ITFG2: variants seen among roughly 807,000 people sequenced by gnomAD.
The protein encoded by ITFG2 is integrin alpha FG-GAP repeat containing 2, also known as KICSTOR complex protein ITFG2.
In ITFG2, 36 loss-of-function variants were observed where a neutral mutation model predicts 54.4. The observed-to-expected ratio is 0.66, with a 90% CI of 0.51 to 0.87. The LOEUF (loss-of-function observed/expected upper bound fraction) is 0.87. ITFG2 is among the 40% of genes least tolerant of loss of function. ITFG2 has a pLI of 0.00. For synonymous variants in ITFG2, 211 were observed against 225.4 expected (o/e 0.94, Z 0.57); for missense variants, 524 against 576.7 (o/e 0.91, Z 0.94).
chr12:2,821,173 A>G, intron 6 of ITFG2, 89 bp from the exon 7 acceptor site: 1 of 1,049,232 alleles, frequency 9.5e-7, no homozygotes, highest in East Asian at 2.6e-5. Flanking sequence ...TTCAAATCCC[A>G]GAAGCTCTTG....
chr12:2,821,539 A>C lies in ITFG2; in HGVS notation c.794-4A>C, dbSNP rs1336430014. ...TTTACATATTCTTCCTCTGGTCCTC[A>C]CAGGCCACGGCACTGAGAGTAGTGG... On this transcript the variant is annotated splice_region_variant and splice_polypyrimidine_tract_variant and intron_variant, in intron 7 of 11. Coordinates refer to ENST00000228799, the MANE Select transcript of ITFG2 (RefSeq NM_018463.4). 16 of 1,613,844 alleles carry C rather than the reference A, an allele frequency of 9.9e-6. No homozygotes were observed. Among genetic ancestry groups the C allele is most frequent in the Non-Finnish European group, 1.3e-5 (15 of 1,179,964 alleles).
downstream of ITFG2, chr12:2,827,776 A>G (rs1005337691): frequency 2.5e-6 from 4 of 1,607,170 alleles, no homozygotes; most frequent in Admixed American, 1.7e-5. This position sits in a 1 kb window ranked among gnomAD's most constrained non-coding sequence, Gnocchi z 4.0. Context: ...CCCCATCCCC[A>G]GATCCGAGGA....
At chr12:2,828,121 C>T (rs527917635), downstream of ITFG2, 5 of 1,415,050 alleles carry the variant, frequency 3.5e-6, no homozygotes, top group South Asian at 2.4e-5. Context: ...GCAGGTGTCC[C>T]TCTCTACTAT....
In ITFG2 at chr12:2,812,855, C is replaced by A; in HGVS notation, c.95C>A (p.Thr32Lys). 1 of 1,609,230 alleles carries A rather than the reference C, an allele frequency of 6.2e-7. No individual in the cohort carries two copies. The highest frequency in any genetic ancestry group is 2.2e-5 in the East Asian group (1 of 44,750). The change falls in exon 1 of 12, where the codon ACG (threonine) becomes AAG (lysine). Residue 32 changes from threonine to lysine, a missense_variant and splice_region_variant. Thr to Lys is a moderately conservative substitution (Grantham distance 78). Coordinates refer to ENST00000228799, the MANE Select transcript of ITFG2 (RefSeq NM_018463.4). ...AICLGDVDND[T>K]LNELVVGDTS... ...TGCCTCGGAGACGTTGATAACGATACGGTAGGTGCATGCGCACCGCAAGAG... is the reference window on the plus strand; with the variant it reads ...TGCCTCGGAGACGTTGATAACGATAAGGTAGGTGCATGCGCACCGCAAGAG...
At chr12:2,825,225 C>G (rs1228000625), downstream of ITFG2, 1 of 152,148 alleles carries the variant, frequency 6.6e-6, no homozygotes, top group Non-Finnish European at 1.5e-5. Context: ...TTATACTGAC[C>G]CTAGTCAGAT....
intron 2 of ITFG2, chr12:2,855,170 C>G: frequency 6.6e-7 from 1 of 1,517,340 alleles, no homozygotes. Flanking sequence ...ACATTGCTAT[C>G]GTAGGGCCTG....
At chr12:2,858,366 T>C in intron 3 of ITFG2, 1 of 433,778 alleles carries the variant, frequency 2.3e-6, no homozygotes, top group Non-Finnish European at 4.1e-6. Context: ...GGAAACAGGC[T>C]GGGGGGTTCC....
At chr12:2,830,631 C>CAGA in intron 2 of ITFG2, 2 of 1,469,292 alleles carry the variant, frequency 1.4e-6, no homozygotes, top group Admixed American at 2.1e-5. Flanking sequence ...CCCATCAGGG[C>CAGA]AGAGCAGAAA....
chr12:2,857,650 G>T (rs1479739665), intron 2 of ITFG2: 1 of 153,764 alleles, frequency 6.5e-6, no homozygotes, highest in African/African-American at 2.4e-5. Flanking sequence ...GGTGCCTTAG[G>T]AATCAGACGC....
chr12:2,821,885 G>C, intron 9 of ITFG2, 93 bp downstream of exon 9: 1 of 919,458 alleles, frequency 1.1e-6, no homozygotes, highest in South Asian at 1.5e-5. Flanking sequence ...ACATCCCAGG[G>C]AACTCCCAAC....
downstream of ITFG2, chr12:2,827,441 T>C: frequency 6.6e-7 from 1 of 1,526,284 alleles, no homozygotes; most frequent in South Asian, 1.3e-5. The surrounding 1 kb of genome is among the most constrained non-coding windows in gnomAD (Gnocchi z 4.0). Flanking sequence ...TAGACTCCTG[T>C]TGAAGGGGGT....
chr12:2,818,190 C>G lies in ITFG2; in HGVS notation c.319C>G (p.His107Asp). ...CAAGGTGTTGGATGCTTCTGGGCAC[C>G]ACGAGACACTAATCGGAGAGGAGCA... The part of the protein sequence containing the change: ...PAKVLDASGH[H>D]ETLIGEEQRP... Residue 107 changes from histidine to aspartate, a missense_variant, in exon 4 of 12, where the codon CAC becomes GAC. Transcript: ENST00000228799. 6.2e-7 allele frequency: 1 copy of G among 1,614,132 alleles called. No individual in the cohort carries two copies. The highest frequency in any genetic ancestry group is 1.1e-5 in the South Asian group (1 of 91,084).
intron 3 of ITFG2, chr12:2,859,024 C>T: frequency 1.9e-6 from 3 of 1,611,444 alleles, no homozygotes; most frequent in Non-Finnish European, 2.5e-6. Context: ...GGGCTGAAAT[C>T]CAGTCCCCCT....
intron 1 of ITFG2, among the ~76,000 whole-genome samples, chr12:2,839,680 T>C (rs2098036420): frequency 6.6e-6 from 1 of 152,130 alleles, no homozygotes; most frequent in African/African-American, 2.4e-5. Flanking sequence ...GAGTTCACAT[T>C]CTAATGGAAC....
At chr12:2,839,871 C>G (rs1469133572) in intron 1 of ITFG2, among the ~76,000 whole-genome samples, 1 of 152,136 alleles carries the variant, frequency 6.6e-6, no homozygotes, top group South Asian at 2.1e-4. Context: ...CCAAATATTG[C>G]GTGTTTTCAC....
chr12:2,823,980 G>C, intron 11 of ITFG2, 37 bp downstream of exon 11: 2 of 1,612,182 alleles, frequency 1.2e-6, no homozygotes, highest in Non-Finnish European at 1.7e-6. Context: ...GAGTGCCCAG[G>C]AGACCCACAG....
At chr12:2,825,494 G>A (rs1238850635), downstream of ITFG2, 1 of 152,594 alleles carries the variant, frequency 6.6e-6, no homozygotes, top group East Asian at 1.9e-4. Flanking sequence ...GTGGAGCAAG[G>A]CAGTGAGGGC....
upstream of ITFG2, chr12:2,834,734 G>A (rs756137995): frequency 5.6e-5 from 91 of 1,614,004 alleles, no homozygotes; most frequent in East Asian, 8.9e-5. Context: ...TGTTTGAGCC[G>A]GCGCTGCTGG....
rs1254874016 is a variant in ITFG2 at position 2,858,864 on chromosome 12, A to G, written n.620+533A>G. 1 of 1,614,076 alleles carries G rather than the reference A, an allele frequency of 6.2e-7. No individual in the cohort carries two copies. The highest frequency in any genetic ancestry group is 8.5e-7 in the Non-Finnish European group (1 of 1,180,004). ...TATATCTGAGGGAGAAGAGTTGCCA[A>G]AGGGGACGGAGATGAGGTCTAAGGG... On this transcript the variant is annotated intron_variant and non_coding_transcript_variant, in intron 3 of 3. Coordinates refer to the ITFG2 transcript ENST00000537710.
Sources: allele counts gnomAD v4.1 joint callset (sites outside exome capture counted in the v4.1 genomes callset), GRCh38; gene constraint gnomAD v4.1.1; non-coding constraint Gnocchi (gnomAD v3.1); transcripts MANE v1.5; gene names NCBI Gene and HGNC (gene_info 2026-07-23, HGNC 2026-07-21).